The following TRIQK variants were observed in gnomAD, a reference collection of about 807,000 sequenced individuals.
TRIQK encodes the protein triple QxxK/R motif containing.
In TRIQK, 10 loss-of-function variants were observed where a neutral mutation model predicts 10.8. That is an observed-to-expected ratio of 0.92 (90% CI 0.57 to 1.57). TRIQK has a LOEUF of 1.57. Among genes scored for constraint, TRIQK ranks in the 40% most tolerant of loss-of-function variants. The pLI, the probability that TRIQK is intolerant of heterozygous loss-of-function variation, is 0.00. For synonymous variants in TRIQK, 33 were observed against 33.7 expected (o/e 0.98, Z 0.07); for missense variants, 107 against 97.7 (o/e 1.09, Z -0.40).
At chr8:92,888,145 C>T (rs1214009341) in intron 4 of TRIQK, among the ~76,000 whole-genome samples, 2 of 151,596 alleles carry the variant, frequency 1.3e-5, no homozygotes, top group Admixed American at 6.6e-5. Flanking sequence ...ACAAGTGACA[C>T]ACAACTGCAA....
chr8:93,013,235 C>T (rs186977743), intron 1 of TRIQK, among the ~76,000 whole-genome samples: 14 of 152,238 alleles, frequency 9.2e-5, no homozygotes, highest in African/African-American at 3.1e-4. Flanking sequence ...TATGCTGATT[C>T]GATAAGCTTT....
chr8:92,886,706 C>A lies in TRIQK; in HGVS notation c.177G>T (p.Leu59Phe). Residue 59 changes from leucine (L) to phenylalanine (F), a missense_variant, in exon 5 of 5, where the codon TTG becomes TTT. By Grantham distance (22) the Leu-to-Phe change is conservative. Coordinates refer to ENST00000521988, the MANE Select transcript of TRIQK (RefSeq NM_001171797.2). The part of the protein sequence containing the change: ...KEVGLVLAAI[L>F]ALLLAFYAFF... ...AAGCATAGAAAGCCAGTAGTAGTGC[C>A]AATATAGCTGCAAGTACAAGGCCAA... is the stretch of plus-strand genomic sequence containing the variant. 1 of 1,530,314 alleles carries A rather than the reference C, an allele frequency of 6.5e-7. No individual in the cohort carries two copies. The highest frequency in any genetic ancestry group is 8.8e-7 in the Non-Finnish European group (1 of 1,142,464). 94.8% of individuals were successfully genotyped at this position (1,530,314 alleles called of 1,614,324 possible). A position where few individuals can be genotyped will look rare whatever the true frequency, so the allele number is the denominator to read the frequency against.
intron 3 of TRIQK, among the ~76,000 whole-genome samples, chr8:92,905,097 G>T (rs151288532): frequency 6.6e-6 from 1 of 151,936 alleles, no homozygotes; most frequent in Non-Finnish European, 1.5e-5. Flanking sequence ...CATGTAAATC[G>T]ATGAACAGAC....
Position 92,992,673 on chromosome 8 carries a change from G to A in TRIQK, c.-181+24936C>T, listed in dbSNP as rs561303535. Among the ~76,000 whole-genome samples the A allele has an allele frequency of 1.8e-4, 28 of 152,294 alleles. No individual in the cohort carries two copies. The South Asian group carries it at 3.5e-3, about 19-fold the overall frequency. ...GCCTGAGGCTGAGGCAGGATCAAGA[G>A]AACTGAGAACTCCAAGAGCTTGCTA... On this transcript the variant is annotated intron_variant, in intron 1 of 4. Transcript: ENST00000520686.
At chr8:93,016,794 T>G (rs2130766471) in intron 1 of TRIQK, among the ~76,000 whole-genome samples, 1 of 152,164 alleles carries the variant, frequency 6.6e-6, no homozygotes, top group South Asian at 2.1e-4. Flanking sequence ...GTGCGAAGCC[T>G]CAGAGCTGGG....
At position 93,013,476 on chromosome 8, in the gene TRIQK, G is replaced by T. The variant is rs535199170; in HGVS notation, c.-181+4133C>A. Among the ~76,000 whole-genome samples, 8 of 152,048 alleles carry T rather than the reference G, an allele frequency of 5.3e-5. No individual in the cohort carries two copies. The South Asian group carries it at 1.5e-3, about 28-fold the overall frequency. ...GACAATGCAGAAGAGAGGTTGGGAG[G>T]GAGGAAGAGAAAGAGGGATCAAGTT... On this transcript the variant is annotated intron_variant, in intron 1 of 4. Coordinates refer to the TRIQK transcript ENST00000520686.
chr8:92,986,196 A>T (rs913383226), intron 1 of TRIQK, among the ~76,000 whole-genome samples: 4 of 151,874 alleles, frequency 2.6e-5, no homozygotes, highest in Admixed American at 1.3e-4. Flanking sequence ...ACTAACATGT[A>T]TTACATAGGA....
rs1422654350 is a variant in TRIQK at position 92,885,120 on chromosome 8, T to C, written c.*1502A>G. On this transcript the variant is annotated 3_prime_UTR_variant, in exon 5 of 5. Coordinates refer to ENST00000521988, the MANE Select transcript of TRIQK (RefSeq NM_001171797.2). ...ACACCGGCTAAATTTTGCCCTCAGA[T>C]GTTTGGCATAAATGATTTGTGAGGA... The C allele has an allele frequency of 2.4e-6, 1 of 420,250 alleles. No individual in the cohort carries two copies. Among genetic ancestry groups the C allele is most frequent in the African/African-American group, 2.0e-5 (1 of 48,970 alleles). The allele number at this position is 420,250 out of a possible 1,614,324, so 26.0% of individuals were successfully genotyped here.
At chr8:92,926,371 G>C (rs911560876) in intron 2 of TRIQK, 1 of 152,058 alleles carries the variant, frequency 6.6e-6, no homozygotes, top group East Asian at 1.9e-4. Context: ...TAAGTGAGAG[G>C]TAAGAAAGCA....
intron 2 of TRIQK, among the ~76,000 whole-genome samples, chr8:92,923,936 CAT>C (rs1455631550): frequency 1.3e-5 from 2 of 151,914 alleles, no homozygotes; most frequent in Non-Finnish European, 2.9e-5. Flanking sequence ...GAAGCCTTCA[CAT>C]ATGTCTCTGC....
intron 2 of TRIQK, among the ~76,000 whole-genome samples, chr8:92,950,794 C>T (rs1219572871): frequency 6.6e-6 from 1 of 152,154 alleles, no homozygotes; most frequent in African/African-American, 2.4e-5. Context: ...TACATTCCAA[C>T]GAATATCTTC....
intron 4 of TRIQK, among the ~76,000 whole-genome samples, chr8:92,888,180 C>T (rs751815416): frequency 6.6e-6 from 1 of 151,574 alleles, no homozygotes; most frequent in Non-Finnish European, 1.5e-5. Context: ...GTATAGTGGA[C>T]AACAAAACTG....
At chr8:92,928,875 A>G (rs1810575135) in intron 2 of TRIQK, among the ~76,000 whole-genome samples, 1 of 152,234 alleles carries the variant, frequency 6.6e-6, no homozygotes, top group South Asian at 2.1e-4. Flanking sequence ...CAAATCAGAT[A>G]CTTTTTAATA....
intron 2 of TRIQK, among the ~76,000 whole-genome samples, chr8:92,920,525 TAAAAAAAAAGA>T (rs1243967255): frequency 2.1e-5 from 3 of 145,036 alleles, no homozygotes; most frequent in Non-Finnish European, 4.6e-5. Flanking sequence ...CTTATCAGCT[TAAAAAAAAAGA>T]AAAAAAAAAG....
At chr8:92,944,659 T>G (rs781732876) in intron 2 of TRIQK, among the ~76,000 whole-genome samples, 6 of 152,138 alleles carry the variant, frequency 3.9e-5, no homozygotes, top group Non-Finnish European at 7.4e-5. Context: ...TCTAAAGAAG[T>G]TGACGTCATA....
At chr8:92,978,443 G>A (rs1050361009) in intron 1 of TRIQK, among the ~76,000 whole-genome samples, 1 of 152,096 alleles carries the variant, frequency 6.6e-6, no homozygotes, top group African/African-American at 2.4e-5. Context: ...GTTCATCATG[G>A]CTGGGAGCAG....
At chr8:92,934,078 G>A (rs1032230424) in intron 2 of TRIQK, among the ~76,000 whole-genome samples, 1 of 151,968 alleles carries the variant, frequency 6.6e-6, no homozygotes, top group Non-Finnish European at 1.5e-5. Flanking sequence ...TGTAATGGTG[G>A]CTATTTCAAT....
intron 2 of TRIQK, among the ~76,000 whole-genome samples, chr8:92,932,756 G>A (rs1188461814): frequency 1.3e-5 from 2 of 151,624 alleles, no homozygotes; most frequent in Admixed American, 6.6e-5. Flanking sequence ...TCATATATGC[G>A]TTTATAGCAG....
At chr8:92,956,546 C>T (rs1416616679) in intron 1 of TRIQK, among the ~76,000 whole-genome samples, 1 of 151,650 alleles carries the variant, frequency 6.6e-6, no homozygotes, top group Non-Finnish European at 1.5e-5. Flanking sequence ...AAATATAGCT[C>T]AATAAAGCTG....
Sources: allele counts gnomAD v4.1 joint callset (sites outside exome capture counted in the v4.1 genomes callset), GRCh38; gene constraint gnomAD v4.1.1; transcripts MANE v1.5; gene names NCBI Gene and HGNC (gene_info 2026-07-23, HGNC 2026-07-21).